Variants in SLFN12L observed in about 807,000 individuals in gnomAD.
SLFN12L encodes schlafen family member 12-like.
SLFN12L carries 34 observed loss-of-function variants against 34.8 expected under a neutral mutation model. The observed-to-expected ratio is 0.98, with a 90% confidence interval of 0.74 to 1.30. The LOEUF (loss-of-function observed/expected upper bound fraction) is 1.30. Ranked by LOEUF, SLFN12L falls within the 50% of genes most tolerant of loss-of-function variation. SLFN12L has a pLI of 0.00. For missense variants in SLFN12L, 703 were observed against 696.2 expected, an observed-to-expected ratio of 1.01 and a Z score of -0.11; for synonymous variants, 259 against 247.5, an observed-to-expected ratio of 1.05 and a Z score of -0.44.
intron 1 of SLFN12L, among the ~76,000 whole-genome samples, chr17:35,530,683 T>C (rs1282691219): frequency 6.6e-6 from 1 of 152,062 alleles, no homozygotes; most frequent in African/African-American, 2.4e-5. Context: ...TGATTCTTAG[T>C]CTTTTTTATT....
chr17:35,496,280 T>C (rs2142145745), intron 2 of SLFN12L, among the ~76,000 whole-genome samples: 1 of 151,918 alleles, frequency 6.6e-6, no homozygotes, highest in South Asian at 2.1e-4. Context: ...GCCCAGGAAA[T>C]CAAGGCTACA....
Position 35,522,889 on chromosome 17 carries a change from T to C in SLFN12L, c.-525A>G. On this transcript the variant is annotated 5_prime_UTR_variant, in exon 2 of 5. Coordinates refer to ENST00000628453, the MANE Select transcript of SLFN12L (RefSeq NM_001363830.2). ...GAGAAAGGTTGGGTTTGCTTATTTA[T>C]TAACTCCTCTAATCCTTCATTCTGT... is the stretch of plus-strand genomic sequence containing the variant. The C allele has an allele frequency of 1.3e-6, 1 of 754,896 alleles. No homozygotes were observed. Among genetic ancestry groups the C allele is most frequent in the Non-Finnish European group, 2.3e-6 (1 of 443,770 alleles). 46.8% of individuals were successfully genotyped at this position (754,896 alleles called of 1,614,324 possible). A position where few individuals can be genotyped will look rare whatever the true frequency, so the allele number is the denominator to read the frequency against.
intron 2 of SLFN12L, among the ~76,000 whole-genome samples, chr17:35,484,917 T>C (rs1299201186): frequency 6.6e-6 from 1 of 152,212 alleles, no homozygotes; most frequent in Non-Finnish European, 1.5e-5. Context: ...TTACTAGACA[T>C]AGGTCTATTC....
At chr17:35,526,417 A>G (rs2072335724) in intron 1 of SLFN12L, among the ~76,000 whole-genome samples, 1 of 152,208 alleles carries the variant, frequency 6.6e-6, no homozygotes. Flanking sequence ...TCTTCTCAGC[A>G]CCTCATGGCA....
intron 2 of SLFN12L, among the ~76,000 whole-genome samples, chr17:35,513,267 T>C (rs1915714072): frequency 2.0e-5 from 3 of 152,164 alleles, no homozygotes. Context: ...TGTTCACTTA[T>C]ATATACTACA....
intron 2 of SLFN12L, chr17:35,490,151 C>T: frequency 6.2e-7 from 1 of 1,606,866 alleles, no homozygotes; most frequent in Non-Finnish European, 8.5e-7. Context: ...GCCGCAGGGA[C>T]CCTCCAGCAG....
intron 1 of SLFN12L, among the ~76,000 whole-genome samples, chr17:35,526,418 C>T (rs1019766526): frequency 6.6e-6 from 1 of 152,194 alleles, no homozygotes; most frequent in Non-Finnish European, 1.5e-5. Context: ...CTTCTCAGCA[C>T]CTCATGGCAC....
intron 2 of SLFN12L, among the ~76,000 whole-genome samples, chr17:35,518,242 C>T (rs1274664698): frequency 6.6e-6 from 1 of 152,154 alleles, no homozygotes; most frequent in Non-Finnish European, 1.5e-5. Context: ...AGGATATGAA[C>T]AGACACTTCT....
intron 2 of SLFN12L, among the ~76,000 whole-genome samples, chr17:35,484,839 A>T (rs1466942791): frequency 6.6e-6 from 1 of 152,192 alleles, no homozygotes. Flanking sequence ...CTCGGGTAGA[A>T]TTTATTACTG....
chr17:35,507,921 C>T (rs1235966575), intron 2 of SLFN12L, among the ~76,000 whole-genome samples: 1 of 152,104 alleles, frequency 6.6e-6, no homozygotes, highest in Non-Finnish European at 1.5e-5. Context: ...GGGAGGAGAC[C>T]ACCCCTCATA....
In SLFN12L at chr17:35,468,162, T is replaced by C. The variant is rs972148486; in HGVS notation, c.*6761A>G. ...CTGAGCTCAAGCAATGCACCTGCTT[T>C]GGCCTCTCAAAGTGCTGGGATTACA... On this transcript the variant is annotated 3_prime_UTR_variant, in exon 5 of 5. Coordinates refer to ENST00000628453, the MANE Select transcript of SLFN12L (RefSeq NM_001363830.2). Among the ~76,000 whole-genome samples the C allele has an allele frequency of 6.6e-6, 1 of 152,202 alleles. No homozygotes were observed. The highest frequency in any genetic ancestry group is 1.5e-5 in the Non-Finnish European group (1 of 68,036).
chr17:35,529,751 G>A (rs777626519), intron 1 of SLFN12L, among the ~76,000 whole-genome samples: 26 of 151,954 alleles, frequency 1.7e-4, no homozygotes, highest in Admixed American at 1.2e-3. Context: ...GTGGGTGACG[G>A]GTTGGTGGGT....
intron 2 of SLFN12L, among the ~76,000 whole-genome samples, chr17:35,496,673 C>T (rs1206731956): frequency 6.6e-6 from 1 of 152,188 alleles, no homozygotes; most frequent in South Asian, 2.1e-4. Context: ...TCTGTCTTCG[C>T]GGTGGCAGCA....
chr17:35,514,637 A>T (rs1915755859), intron 2 of SLFN12L: 3 of 262,038 alleles, frequency 1.1e-5, no homozygotes, highest in Non-Finnish European at 2.3e-5. Flanking sequence ...TACACAAAGT[A>T]AACATTAACT....
chr17:35,498,387 G>C (rs1915172548), intron 2 of SLFN12L: 2 of 1,202,816 alleles, frequency 1.7e-6, no homozygotes, highest in African/African-American at 3.0e-5. Context: ...TGCCGACATA[G>C]TGTCTGCAGT....
At chr17:35,480,890 A>C (rs1182710477) in intron 2 of SLFN12L, among the ~76,000 whole-genome samples, 1 of 152,078 alleles carries the variant, frequency 6.6e-6, no homozygotes, top group African/African-American at 2.4e-5. Context: ...TAATAAAGAA[A>C]ATATATAGAA....
At chr17:35,505,919 G>T (rs1013286366) in intron 2 of SLFN12L, among the ~76,000 whole-genome samples, 4 of 152,142 alleles carry the variant, frequency 2.6e-5, no homozygotes, top group African/African-American at 9.7e-5. Context: ...TGTTCCCAGT[G>T]TATATATCAA....
intron 2 of SLFN12L, chr17:35,498,359 A>G: frequency 9.7e-7 from 1 of 1,035,900 alleles, no homozygotes; most frequent in Non-Finnish European, 1.5e-6. Context: ...ATCTCACGGT[A>G]CACAGAGAAT....
intron 2 of SLFN12L, among the ~76,000 whole-genome samples, chr17:35,512,974 C>A (rs1413848990): frequency 6.6e-6 from 1 of 152,138 alleles, no homozygotes. Context: ...TTGCCCCTTG[C>A]TCCCTTTCCC....
Sources: allele counts gnomAD v4.1 joint callset (sites outside exome capture counted in the v4.1 genomes callset), GRCh38; gene constraint gnomAD v4.1.1; transcripts MANE v1.5; gene names NCBI Gene and HGNC (gene_info 2026-07-23, HGNC 2026-07-21).